The following BRCA1 variants were observed in gnomAD, a reference collection of about 807,000 sequenced individuals.
BRCA1 encodes the protein breast cancer type 1 susceptibility protein.
BRCA1 carries 140 observed loss-of-function variants against 173.7 expected under a neutral mutation model. The observed-to-expected ratio is 0.81, with a 90% CI of 0.70 to 0.93. BRCA1 has a LOEUF of 0.93. BRCA1 is among the 40% of genes least tolerant of loss of function. The pLI is 0.00. For missense variants in BRCA1, 1,983 were observed against 2,172.5 expected (o/e 0.91, Z 1.73); for synonymous variants, 662 against 756.0 (o/e 0.88, Z 2.04).
At position 43,100,680 on chromosome 17, in the gene BRCA1, T is replaced by TATATATAACATATATATATATATATA. The variant is rs2054419480; in HGVS notation, c.442-801_442-800insTATATATATATATATATGTTATATAT. Among the ~76,000 whole-genome samples, 13 of 11,058 alleles carry TATATATAACATATATATATATATATA rather than the reference T, an allele frequency of 1.2e-3. No homozygotes were observed. The East Asian group carries it at 0.04, about 34-fold the overall frequency. The allele number at this position is 11,058 out of a possible 152,430, so 7.3% of individuals were successfully genotyped here. ...AACATATATATATATATATATATAA[T>TATATATAACATATATATATATATATA]ATATATATATATATATATATATGTA... is the stretch of plus-strand genomic sequence containing the variant. On this transcript the variant is annotated intron_variant, in intron 6 of 22. Transcript: ENST00000357654.
chr17:43,125,369 TC>T, upstream of BRCA1: 1 of 415,594 alleles, frequency 2.4e-6, no homozygotes. Flanking sequence ...CTCAGCGAGC[TC>T]ACGCCGCGCA....
rs35584960 is a variant in BRCA1 at position 43,102,357 on chromosome 17, C to CTTTTTTTTTTT, written c.441+1754_441+1764dup. Among the ~76,000 whole-genome samples, 179 of 93,198 alleles carry CTTTTTTTTTTT rather than the reference C, an allele frequency of 1.9e-3. 5 individuals carry two copies. Among genetic ancestry groups the CTTTTTTTTTTT allele is most frequent in the Middle Eastern group, 0.01 (1 of 96 alleles). The allele number at this position is 93,198 out of a possible 152,430, so 61.1% of individuals were successfully genotyped here. A position where few individuals can be genotyped will look rare whatever the true frequency, so the allele number is the denominator to read the frequency against. On this transcript the variant is annotated intron_variant, in intron 6 of 22. Transcript: ENST00000357654. ...AAGTGCTGGGATTACAGGCGTGAAGCTTTTTTTTTTTTTTTTTTGAGACGG... is the reference window on the plus strand; with the variant it reads ...AAGTGCTGGGATTACAGGCGTGAAGCTTTTTTTTTTTTTTTTTTTTTTTTTTTTTGAGACGG...
At chr17:43,063,474 T>G in intron 17 of BRCA1, 101 bp from the exon 18 acceptor site, 2 of 988,592 alleles carry the variant, frequency 2.0e-6, no homozygotes, top group South Asian at 2.6e-5. Context: ...ACAGGAAGAA[T>G]GACAGAGGAG....
At position 43,095,905 on chromosome 17, in the gene BRCA1, A is replaced by C. The variant is rs1403004357; in HGVS notation, c.611T>G (p.Leu204Trp). 2 of 1,613,306 alleles carry C rather than the reference A, an allele frequency of 1.2e-6. No individual in the cohort carries two copies. The highest frequency in any genetic ancestry group is 2.2e-5 in the South Asian group (2 of 91,006). The change falls in exon 9 of 23, where the codon TTG becomes TGG. Residue 204 changes from leucine to tryptophan, a missense_variant. Leu to Trp is a moderately conservative substitution (Grantham distance 61). Transcript: ENST00000357654. ...ATYCSVGDQE[L>W]LQITPQGTRD... ...GGTTCCTTGAGGGGTGATTTGTAACAATTCTTGATCTCCCACACTATAGGG... is the reference window on the plus strand; with the variant it reads ...GGTTCCTTGAGGGGTGATTTGTAACCATTCTTGATCTCCCACACTATAGGG...
chr17:43,145,299 C>T, intron 1 of BRCA1: 2 of 602,978 alleles, frequency 3.3e-6, no homozygotes, highest in Non-Finnish European at 6.3e-6. Context: ...TGTCTCCCTT[C>T]TTTACAATTC....
intron 19 of BRCA1, among the ~76,000 whole-genome samples, chr17:43,051,844 T>C (rs1020501316): frequency 5.9e-5 from 9 of 151,666 alleles, no homozygotes; most frequent in African/African-American, 2.2e-4. Flanking sequence ...ACCATGTTGG[T>C]CAGGCTGGTC....
intron 2 of BRCA1, among the ~76,000 whole-genome samples, chr17:43,121,683 C>CAAAAAAAAA (rs71160013): frequency 1.5e-4 from 5 of 32,904 alleles, no homozygotes; most frequent in Non-Finnish European, 2.6e-4. Flanking sequence ...AAGTCTGTCT[C>CAAAAAAAAA]AAAAAAAAAA....
At chr17:43,109,293 G>A (rs1280227290) in intron 3 of BRCA1, among the ~76,000 whole-genome samples, 1 of 152,116 alleles carries the variant, frequency 6.6e-6, no homozygotes, top group African/African-American at 2.4e-5. Context: ...CATCAAGCCT[G>A]GCCTTATCTT....
chr17:43,120,387 T>C (rs922840639), intron 2 of BRCA1, among the ~76,000 whole-genome samples: 13 of 152,242 alleles, frequency 8.5e-5, no homozygotes, highest in African/African-American at 3.1e-4. Context: ...CTGCAAATTG[T>C]GCTATACTGT....
rs1567804289 is a variant in BRCA1 at position 43,097,300 on chromosome 17, TC to T, written c.548-12del. ...CAGAAGAATCAGATCCTAAAAAATT[TC>T]CCCCCAAAAAATAAATCAATAAAAG... On this transcript the variant is annotated splice_polypyrimidine_tract_variant and intron_variant, in intron 7 of 22. Coordinates refer to ENST00000357654, the MANE Select transcript of BRCA1 (RefSeq NM_007294.4). 6.2e-7 allele frequency: 1 copy of T among 1,610,764 alleles called. No individual in the cohort carries two copies. Among genetic ancestry groups the T allele is most frequent in the South Asian group, 1.1e-5 (1 of 90,828 alleles).
At chr17:43,159,219 T>G (rs1277976697) in intron 1 of BRCA1, among the ~76,000 whole-genome samples, 1 of 152,208 alleles carries the variant, frequency 6.6e-6, no homozygotes, top group African/African-American at 2.4e-5. Context: ...ACCACTGCAC[T>G]CCAGCCTCTC....
chr17:43,074,810 A>G (rs1001791561), intron 13 of BRCA1, among the ~76,000 whole-genome samples: 5 of 151,860 alleles, frequency 3.3e-5, no homozygotes, highest in Non-Finnish European at 5.9e-5. Flanking sequence ...AATCTCAGCT[A>G]CTCGGGAGGC....
intron 11 of BRCA1, among the ~76,000 whole-genome samples, chr17:43,089,715 T>C (rs2053369791): frequency 6.8e-6 from 1 of 147,430 alleles, no homozygotes; most frequent in Admixed American, 6.8e-5. Context: ...TATGAGCAAT[T>C]AAAAAAAAAA....
At chr17:43,146,299 C>CTTT (rs774223347) in intron 1 of BRCA1, among the ~76,000 whole-genome samples, 8 of 76,114 alleles carry the variant, frequency 1.1e-4, no homozygotes, top group Admixed American at 1.5e-4. Flanking sequence ...ATTTTTGTTA[C>CTTT]TTTTTTTTTT....
chr17:43,118,751 G>A (rs572479974), intron 2 of BRCA1, among the ~76,000 whole-genome samples: 1 of 147,982 alleles, frequency 6.8e-6, no homozygotes, highest in South Asian at 2.2e-4. Context: ...GCTTTCTTCT[G>A]AATGTGAACC....
intron 1 of BRCA1, among the ~76,000 whole-genome samples, chr17:43,130,551 C>T (rs1182217843): frequency 6.6e-6 from 1 of 152,126 alleles, no homozygotes; most frequent in Non-Finnish European, 1.5e-5. Flanking sequence ...TGGACTCAAG[C>T]GATCTGCCTG....
chr17:43,097,275 C>A lies in BRCA1; in HGVS notation c.562G>T (p.Glu188Ter). ...TAAGTTGCCTTATTAACGGTATCTT[C>A]AGAAGAATCAGATCCTAAAAAATTT... is the stretch of plus-strand genomic sequence containing the variant. ...VYIELGSDSS[E>*]DTVNKATYCS... The change falls in exon 8 of 23, where the codon GAA becomes TAA. Residue 188 changes from glutamate to a stop codon, truncating the protein, a stop_gained. Transcript: ENST00000357654. LOFTEE classifies it high-confidence loss of function. 6.2e-7 allele frequency: 1 copy of A among 1,613,550 alleles called. No individual in the cohort carries two copies. The highest frequency in any genetic ancestry group is 8.5e-7 in the Non-Finnish European group (1 of 1,179,716).
intron 5 of BRCA1, among the ~76,000 whole-genome samples, chr17:43,104,658 G>A (rs1322454929): frequency 6.6e-5 from 10 of 152,192 alleles, no homozygotes; most frequent in Admixed American, 6.5e-4. Flanking sequence ...TTTCAGAGAT[G>A]TTAAGATGTG....
chr17:43,114,146 C>T (rs1028390652), intron 3 of BRCA1, among the ~76,000 whole-genome samples: 13 of 151,898 alleles, frequency 8.6e-5, no homozygotes, highest in African/African-American at 3.1e-4. Flanking sequence ...TAGCTCACTA[C>T]AGCTTCGAAC....
Sources: allele counts gnomAD v4.1 joint callset (sites outside exome capture counted in the v4.1 genomes callset), GRCh38; gene constraint gnomAD v4.1.1; transcripts MANE v1.5; gene names NCBI Gene and HGNC (gene_info 2026-07-23, HGNC 2026-07-21).